RSPRY1: variants seen among roughly 807,000 people sequenced by gnomAD.
RSPRY1 encodes the protein RING finger and SPRY domain-containing protein 1.
A neutral mutation model predicts 73.1 loss-of-function variants in RSPRY1; 23 were observed. That is an observed-to-expected ratio of 0.31 (90% CI 0.23 to 0.45). RSPRY1 has a LOEUF of 0.45. Among genes scored for constraint, RSPRY1 ranks in the 20% least tolerant of loss-of-function variants. RSPRY1 has a pLI of 1.00. For missense variants in RSPRY1, 448 were observed against 698.7 expected (o/e 0.64, Z 4.05); for synonymous variants, 226 against 251.4 (o/e 0.90, Z 0.95).
chr16:57,192,959 G>C (rs1317402588), intron 1 of RSPRY1, among the ~76,000 whole-genome samples: 1 of 152,148 alleles, frequency 6.6e-6, no homozygotes, highest in Non-Finnish European at 1.5e-5. Context: ...CAAGCTGTCT[G>C]CCTGCCTTGG....
chr16:57,217,331 A>T (rs1231753672), intron 8 of RSPRY1, among the ~76,000 whole-genome samples: 1 of 152,090 alleles, frequency 6.6e-6, no homozygotes, highest in Non-Finnish European at 1.5e-5. Context: ...TTCCAACACA[A>T]ATCATCCCAC....
At position 57,213,883 on chromosome 16, in the gene RSPRY1, T is replaced by C. The variant is rs2074891533; in HGVS notation, c.644-5T>C. ...TTATATCAAGTGTTTGTTGTATTTG[T>C]CTAGGTCCTGCAAGTATAGGTTTAC... is the stretch of plus-strand genomic sequence containing the variant. On this transcript the variant is annotated splice_polypyrimidine_tract_variant and splice_region_variant and intron_variant, in intron 5 of 14. Transcript: ENST00000394420. 4 of 1,591,722 alleles carry C rather than the reference T, an allele frequency of 2.5e-6. No individual in the cohort carries two copies. In the African/African-American group the frequency reaches 4.0e-5, roughly 16 times the overall value.
chr16:57,220,287 G>A (rs2075013425), intron 8 of RSPRY1: 1 of 155,616 alleles, frequency 6.4e-6, no homozygotes, highest in Non-Finnish European at 1.4e-5. Flanking sequence ...TCCAATCCAT[G>A]ACCATGGTAT....
In RSPRY1 at chr16:57,237,711, A is replaced by T. The variant is rs946463224; in HGVS notation, c.1635-1168A>T. On this transcript the variant is annotated intron_variant, in intron 14 of 14. Coordinates refer to ENST00000394420, the MANE Select transcript of RSPRY1 (RefSeq NM_133368.3). ...TATTTTTATTTATTTATTTATTTTT[A>T]TTTATTTATTTATTTTTTGAGACGG... Among the ~76,000 whole-genome samples, 129 of 150,920 alleles carry T rather than the reference A, an allele frequency of 8.5e-4. 1 individual carries two copies. The highest frequency in any genetic ancestry group is 2.2e-3 in the African/African-American group (90 of 41,056).
intron 1 of RSPRY1, among the ~76,000 whole-genome samples, chr16:57,191,445 G>A (rs59968957): frequency 0.051 from 7,741 of 151,946 alleles, 242 homozygotes; most frequent in Non-Finnish European, 0.069. Context: ...TACTTTTTTC[G>A]CCCAGGAAGT....
chr16:57,223,624 T>C (rs985236607), intron 10 of RSPRY1, among the ~76,000 whole-genome samples: 11 of 152,054 alleles, frequency 7.2e-5, no homozygotes, highest in African/African-American at 2.4e-5. Context: ...TATAAAAAAT[T>C]AGCTGGGCGT....
chr16:57,230,886 T>C, intron 12 of RSPRY1, 73 bp downstream of exon 12: 1 of 912,374 alleles, frequency 1.1e-6, no homozygotes, highest in South Asian at 1.4e-5. Flanking sequence ...AAAAAAAGTC[T>C]TTGTCCATTT....
chr16:57,202,043 C>T (rs1042382531), intron 1 of RSPRY1, among the ~76,000 whole-genome samples: 4 of 151,884 alleles, frequency 2.6e-5, no homozygotes, highest in Non-Finnish European at 5.9e-5. Flanking sequence ...TCAGAGGGGC[C>T]GAGCAGGATA....
chr16:57,204,244 A>G (rs1003381883), intron 1 of RSPRY1, among the ~76,000 whole-genome samples: 1 of 152,146 alleles, frequency 6.6e-6, no homozygotes, highest in South Asian at 2.1e-4. Context: ...ATGTGGTTTT[A>G]AAAAAATCAA....
chr16:57,200,147 C>T (rs542726880), intron 1 of RSPRY1, among the ~76,000 whole-genome samples: 101 of 149,364 alleles, frequency 6.8e-4, no homozygotes, highest in African/African-American at 2.5e-3. Flanking sequence ...TTTAACAAAG[C>T]ACATCTTGCA....
intron 2 of RSPRY1, 137 bp from the exon 3 acceptor site, chr16:57,207,921 G>A: frequency 1.5e-6 from 1 of 652,184 alleles, no homozygotes; most frequent in Admixed American, 2.4e-5. Flanking sequence ...AGCTCAGGTT[G>A]TCTCTTCTAT....
At chr16:57,192,393 C>T (rs1182544325) in intron 1 of RSPRY1, among the ~76,000 whole-genome samples, 1 of 152,182 alleles carries the variant, frequency 6.6e-6, no homozygotes, top group Admixed American at 6.5e-5. Context: ...GTACTGCAAC[C>T]GTCATAAGCA....
At chr16:57,220,556 T>A in intron 8 of RSPRY1, 176 bp from the exon 9 acceptor site, 1 of 385,404 alleles carries the variant, frequency 2.6e-6, no homozygotes, top group Non-Finnish European at 4.7e-6. Flanking sequence ...CAGATTTTTT[T>A]AGGTTTTCCT....
intron 10 of RSPRY1, among the ~76,000 whole-genome samples, chr16:57,225,310 C>T (rs1411088417): frequency 6.6e-6 from 1 of 152,236 alleles, no homozygotes; most frequent in Non-Finnish European, 1.5e-5. Context: ...ATCTGCCCCC[C>T]AAAGTGCTGA....
intron 2 of RSPRY1, among the ~76,000 whole-genome samples, chr16:57,207,137 C>A (rs2074741608): frequency 2.0e-5 from 3 of 152,190 alleles, no homozygotes; most frequent in African/African-American, 7.2e-5. Context: ...AAAAATTTAT[C>A]TACAACTGTT....
intron 1 of RSPRY1, among the ~76,000 whole-genome samples, chr16:57,189,282 T>A (rs1007287210): frequency 6.6e-6 from 1 of 152,046 alleles, no homozygotes; most frequent in Non-Finnish European, 1.5e-5. Flanking sequence ...AGGCATGAGC[T>A]ACTGTGCCTG....
At chr16:57,223,782 A>G (rs946715530) in intron 10 of RSPRY1, among the ~76,000 whole-genome samples, 8 of 152,246 alleles carry the variant, frequency 5.3e-5, no homozygotes, top group Non-Finnish European at 1.2e-4. Flanking sequence ...AAAAATAAAT[A>G]AATAAATAAA....
intron 14 of RSPRY1, 65 bp from the exon 15 acceptor site, chr16:57,238,814 G>T: frequency 1.3e-6 from 1 of 798,780 alleles, no homozygotes; most frequent in Non-Finnish European, 2.0e-6. Context: ...GATTTAGTTG[G>T]CAGGCAGTTG....
chr16:57,229,654 T>TA (rs1326985553), intron 11 of RSPRY1, among the ~76,000 whole-genome samples: 1 of 143,564 alleles, frequency 7.0e-6, no homozygotes, highest in East Asian at 2.1e-4. Flanking sequence ...ACTGAAACCT[T>TA]AGAGTTTTAC....
Sources: allele counts gnomAD v4.1 joint callset (sites outside exome capture counted in the v4.1 genomes callset), GRCh38; gene constraint gnomAD v4.1.1; transcripts MANE v1.5; gene names NCBI Gene and HGNC (gene_info 2026-07-23, HGNC 2026-07-21).